ERBB4: variants seen among roughly 807,000 people sequenced by gnomAD.
The protein encoded by ERBB4 is erb-b2 receptor tyrosine kinase 4.
A neutral mutation model predicts 158.0 loss-of-function variants in ERBB4; 42 were observed. That is an observed-to-expected ratio of 0.27 (90% CI 0.21 to 0.34). The LOEUF (loss-of-function observed/expected upper bound fraction) is 0.34, where lower values mean the gene tolerates loss of function less well. Among genes scored for constraint, ERBB4 ranks in the 10% least tolerant of loss-of-function variants. The probability of loss-of-function intolerance (pLI) is 1.00; values close to 1 mark genes in which losing one functional copy is unlikely to be tolerated. For missense variants in ERBB4, 1,333 were observed against 1,624.1 expected (o/e 0.82, Z 3.08); for synonymous variants, 583 against 558.7 (o/e 1.04, Z -0.61).
At chr2:211,799,281 G>A (rs2076447686) in intron 3 of ERBB4, among the ~76,000 whole-genome samples, 2 of 152,092 alleles carry the variant, frequency 1.3e-5, no homozygotes, top group Admixed American at 1.3e-4. Context: ...CACATCTGAG[G>A]TCATAAGAGA....
rs147264717 is a variant in ERBB4, at chr2:211,833,555, A to G, written c.422-45396T>C. Among the ~76,000 whole-genome samples the G allele has an allele frequency of 3.8e-3, 573 of 152,062 alleles. 3 individuals carry two copies. The highest frequency in any genetic ancestry group is 0.013 in the African/African-American group (544 of 41,520). On this transcript the variant is annotated intron_variant, in intron 3 of 27. Transcript: ENST00000342788. ...AGATCTAGCTCTGAGCTATAGATAG[A>G]TATGATCATCTTCCCTGAGGGATGG...
rs368949749 is a variant in ERBB4 at position 211,909,981 on chromosome 2, G to A, written c.421+37449C>T. On this transcript the variant is annotated intron_variant, in intron 3 of 27. Transcript: ENST00000342788. ...GTCACCCAGGCTGGAGTGCAGTGGCGTGATCTCGGCTCACTGCAACCTCCG... is the reference window on the plus strand; with the variant it reads ...GTCACCCAGGCTGGAGTGCAGTGGCATGATCTCGGCTCACTGCAACCTCCG... Among the ~76,000 whole-genome samples the A allele has an allele frequency of 4.0e-5, 6 of 151,594 alleles. 1 individual carries two copies. The highest frequency in any genetic ancestry group is 3.9e-4 in the East Asian group (2 of 5,080).
Position 211,382,194 on chromosome 2 carries a change from G to A in ERBB4, c.*1421C>T, listed in dbSNP as rs2062584677. The A allele has an allele frequency of 4.3e-6, 1 of 231,330 alleles. No individual in the cohort carries two copies. Among genetic ancestry groups the A allele is most frequent in the Admixed American group, 5.6e-5 (1 of 17,732 alleles). 14.3% of individuals were successfully genotyped at this position (231,330 alleles called of 1,614,324 possible). A position where few individuals can be genotyped will look rare whatever the true frequency, so the allele number is the denominator to read the frequency against. ...TATTATACCAATTTATGTGCAAAGAGTTACCTTCTACTTCATATAAATAGT... is the reference window on the plus strand; with the variant it reads ...TATTATACCAATTTATGTGCAAAGAATTACCTTCTACTTCATATAAATAGT... On this transcript the variant is annotated 3_prime_UTR_variant, in exon 28 of 28. Transcript: ENST00000342788.
chr2:212,280,974 CT>C (rs2085735060), intron 1 of ERBB4, among the ~76,000 whole-genome samples: 1 of 151,620 alleles, frequency 6.6e-6, no homozygotes, highest in South Asian at 2.1e-4. Context: ...TATACTCCGT[CT>C]TTTGACACTT....
chr2:212,172,217 G>A (rs747235201), intron 1 of ERBB4, among the ~76,000 whole-genome samples: 4 of 152,064 alleles, frequency 2.6e-5, no homozygotes, highest in Admixed American at 6.6e-5. Flanking sequence ...AATGAGATAC[G>A]ATCTCATACC....
intron 16 of ERBB4, among the ~76,000 whole-genome samples, chr2:211,643,618 G>A (rs111432017): frequency 1.3e-5 from 2 of 152,026 alleles, no homozygotes; most frequent in Admixed American, 6.6e-5. Context: ...CATAAATGAA[G>A]TCAATGGCCC....
Position 211,826,130 on chromosome 2 carries a change from T to C in ERBB4, c.422-37971A>G, listed in dbSNP as rs567834918. The stretch of plus-strand genomic sequence containing the variant: ...ACTGAAATATAATCAACACAAACAC[T>C]AAAAGTTAAAATTTCAATGTATTTC... On this transcript the variant is annotated intron_variant, in intron 3 of 27. Transcript: ENST00000342788. 2.0e-5 allele frequency among the ~76,000 whole-genome samples: 3 copies of C among 151,540 alleles called. No homozygotes were observed. In the South Asian group the frequency reaches 6.2e-4, roughly 31 times the overall value.
chr2:211,668,098 A>G (rs975635702), intron 14 of ERBB4, among the ~76,000 whole-genome samples: 8 of 152,228 alleles, frequency 5.3e-5, no homozygotes, highest in African/African-American at 1.7e-4. Context: ...ACTGTACTGA[A>G]TATTTTAGGC....
At chr2:211,918,229 G>T (rs1028159620) in intron 3 of ERBB4, among the ~76,000 whole-genome samples, 1 of 152,110 alleles carries the variant, frequency 6.6e-6, no homozygotes, top group South Asian at 2.1e-4. Flanking sequence ...CTTTGGAAAA[G>T]TAATTAATAC....
intron 16 of ERBB4, 118 bp downstream of exon 16, chr2:211,657,636 A>AC (rs2071267537): frequency 1.2e-6 from 1 of 819,038 alleles, no homozygotes; most frequent in Admixed American, 2.0e-5. Flanking sequence ...AAAACTTTCC[A>AC]ATTTGATATA....
chr2:212,312,405 T>A (rs1024694550), intron 1 of ERBB4, among the ~76,000 whole-genome samples: 1 of 150,950 alleles, frequency 6.6e-6, no homozygotes, highest in Non-Finnish European at 1.5e-5. Context: ...GTCCATGAAA[T>A]TGTGTATTAT....
chr2:211,620,923 T>C (rs1234146779), intron 18 of ERBB4, among the ~76,000 whole-genome samples: 3 of 148,094 alleles, frequency 2.0e-5, no homozygotes, highest in Admixed American at 7.0e-5. Flanking sequence ...ATAGGCAACA[T>C]AGAGACATTC....
intron 1 of ERBB4, among the ~76,000 whole-genome samples, chr2:212,352,732 G>T (rs1045685242): frequency 6.6e-6 from 1 of 152,024 alleles, no homozygotes; most frequent in Non-Finnish European, 1.5e-5. Context: ...GCTGGGTGTG[G>T]TTGTGGGCAC....
At chr2:211,514,275 T>C (rs2065967172) in intron 20 of ERBB4, among the ~76,000 whole-genome samples, 2 of 152,078 alleles carry the variant, frequency 1.3e-5, no homozygotes, top group South Asian at 2.1e-4. Flanking sequence ...ATGAAACCTA[T>C]CTCGGTTTCT....
At chr2:211,541,447 A>G (rs2125683785) in intron 20 of ERBB4, among the ~76,000 whole-genome samples, 1 of 151,908 alleles carries the variant, frequency 6.6e-6, no homozygotes, top group East Asian at 1.9e-4. Flanking sequence ...GCTTCATTTC[A>G]CTGGTCTTTT....
chr2:211,621,927 T>C (rs866549314), intron 18 of ERBB4, among the ~76,000 whole-genome samples: 3 of 152,158 alleles, frequency 2.0e-5, no homozygotes, highest in African/African-American at 4.8e-5. Context: ...AAGCCTTCAG[T>C]TACATCTGTG....
chr2:211,794,746 G>T (rs1336487193), intron 3 of ERBB4, among the ~76,000 whole-genome samples: 6 of 151,822 alleles, frequency 4.0e-5, no homozygotes, highest in Non-Finnish European at 8.9e-5. Flanking sequence ...ATTTTATCTT[G>T]TAACAGTACT....
At chr2:212,428,008 T>C (rs1186326024) in intron 1 of ERBB4, among the ~76,000 whole-genome samples, 2 of 152,158 alleles carry the variant, frequency 1.3e-5, no homozygotes, top group African/African-American at 4.8e-5. Context: ...AGAATAATAA[T>C]GTCTTTATAT....
intron 1 of ERBB4, among the ~76,000 whole-genome samples, chr2:212,289,231 T>C (rs1463432102): frequency 2.0e-5 from 3 of 152,224 alleles, no homozygotes; most frequent in Non-Finnish European, 4.4e-5. Context: ...CTTTGAAATC[T>C]GTTTTTGCTG....
Sources: gnomAD v4.1 joint callset for allele counts (sites outside exome capture counted in the v4.1 genomes callset) on GRCh38, gnomAD v4.1.1 for gene constraint, MANE v1.5 for transcripts, NCBI Gene and HGNC (gene_info 2026-07-23, HGNC 2026-07-21) for gene names.